Variants in NUP214 observed in about 807,000 individuals in gnomAD.
The protein encoded by NUP214 is nucleoporin 214.
In NUP214, 79 loss-of-function variants were observed where a neutral mutation model predicts 196.2. The observed-to-expected ratio is 0.40, with a 90% confidence interval of 0.34 to 0.49. The LOEUF is 0.49. Ranked by LOEUF, NUP214 falls within the 20% of genes least tolerant of loss-of-function variation. The probability of loss-of-function intolerance (pLI) is 0.58; values close to 1 mark genes in which losing one functional copy is unlikely to be tolerated. For synonymous variants in NUP214, 1,020 were observed against 990.5 expected, an observed-to-expected ratio of 1.03 and a Z score of -0.56; for missense variants, 2,468 against 2,539.0, an observed-to-expected ratio of 0.97 and a Z score of 0.60.
At chr9:131,154,916 C>G (rs1036061181) in intron 17 of NUP214, among the ~76,000 whole-genome samples, 6 of 152,196 alleles carry the variant, frequency 3.9e-5, no homozygotes, top group African/African-American at 1.4e-4. Flanking sequence ...TGGGCTCGTT[C>G]CATATTTTTG....
intron 5 of NUP214, 34 bp downstream of exon 5, chr9:131,130,870 T>A (rs751392259): frequency 4.4e-6 from 7 of 1,582,310 alleles, no homozygotes; most frequent in East Asian, 2.2e-5. Flanking sequence ...GAATTTTTCT[T>A]AAGTTGCCCA....
At chr9:131,192,463 G>T (rs1369066092) in intron 27 of NUP214, 171 bp downstream of exon 27, 5 of 445,632 alleles carry the variant, frequency 1.1e-5, no homozygotes, top group Non-Finnish European at 2.0e-5. Flanking sequence ...CATGTAAATC[G>T]ATTTTCCCTT....
In NUP214 at chr9:131,232,305, A is replaced by G; in HGVS notation, c.6236A>G (p.Asn2079Ser). 1 of 1,613,978 alleles carries G rather than the reference A, an allele frequency of 6.2e-7. No homozygotes were observed. Among genetic ancestry groups the G allele is most frequent in the Non-Finnish European group, 8.5e-7 (1 of 1,179,892 alleles). ...GTGGFSFGSN[N>S]SSVQGFGGWR... ...TCAGGGTTCAGCTTTGGGTCAAATAACTCGTAAGTATCCCCCTTTTTGAGT... is the reference window on the plus strand; with the variant it reads ...TCAGGGTTCAGCTTTGGGTCAAATAGCTCGTAAGTATCCCCCTTTTTGAGT... The change falls in exon 35 of 36, where the codon AAC (asparagine) becomes AGC (serine). Residue 2079 changes from asparagine to serine, a missense_variant. Physicochemically the swap from Asn to Ser is conservative, Grantham distance 46. Coordinates refer to ENST00000359428, the MANE Select transcript of NUP214 (RefSeq NM_005085.4). The surrounding 1 kb of genome is among the most constrained non-coding windows in gnomAD (Gnocchi z 5.1).
chr9:131,216,089 G>A (rs1045655257), intron 31 of NUP214, among the ~76,000 whole-genome samples: 1 of 151,364 alleles, frequency 6.6e-6, no homozygotes, highest in Non-Finnish European at 1.5e-5. Context: ...TTTTAGTAGA[G>A]ACAGGGTTTC....
At chr9:131,131,003 T>C (rs144431640) in intron 5 of NUP214, among the ~76,000 whole-genome samples, 167 bp downstream of exon 5, 132 of 152,326 alleles carry the variant, frequency 8.7e-4, no homozygotes, top group African/African-American at 3.0e-3. Context: ...ATAGTCCTTC[T>C]TCCAGAGGCA....
At chr9:131,181,606 C>T (rs533073904) in intron 24 of NUP214, among the ~76,000 whole-genome samples, 75 of 152,280 alleles carry the variant, frequency 4.9e-4, no homozygotes, top group African/African-American at 1.8e-3. Context: ...CATCTTTTCA[C>T]GTGCTTATTG....
chr9:131,175,082 G>A (rs1833076923), intron 22 of NUP214, among the ~76,000 whole-genome samples: 1 of 152,314 alleles, frequency 6.6e-6, no homozygotes, highest in Middle Eastern at 3.4e-3. Context: ...GTACTGACAG[G>A]TGTTGTGCCC....
chr9:131,225,354 G>A (rs1834693195), intron 32 of NUP214, among the ~76,000 whole-genome samples: 1 of 152,218 alleles, frequency 6.6e-6, no homozygotes, highest in Non-Finnish European at 1.5e-5. Flanking sequence ...GGGAGGCAGA[G>A]ATTGCAGTGA....
At chr9:131,224,364 T>C (rs1258877999) in intron 32 of NUP214, among the ~76,000 whole-genome samples, 2 of 152,166 alleles carry the variant, frequency 1.3e-5, no homozygotes, top group Non-Finnish European at 2.9e-5. Flanking sequence ...CCTGTCCTTG[T>C]TGATGGAAAG....
chr9:131,179,112 T>C (rs918063754), intron 24 of NUP214, among the ~76,000 whole-genome samples: 6 of 152,140 alleles, frequency 3.9e-5, no homozygotes, highest in African/African-American at 1.4e-4. Context: ...TGCTCCCATA[T>C]CTGCCTCCCA....
At position 131,198,715 on chromosome 9, in the gene NUP214, A is replaced by T; in HGVS notation, c.5221A>T (p.Ser1741Cys). 6.2e-7 allele frequency: 1 copy of T among 1,614,182 alleles called. No homozygotes were observed. The highest frequency in any genetic ancestry group is 8.5e-7 in the Non-Finnish European group (1 of 1,180,032). Residue 1741 changes from serine (S) to cysteine (C), a missense_variant, in exon 29 of 36, where the codon AGT (serine) becomes TGT (cysteine). Physicochemically the swap from Ser to Cys is moderately radical, Grantham distance 112. Around this residue, in one of 5 missense-constraint regions of NUP214, gnomAD observed 1,801 missense variants for 1,779.4 expected, o/e 1.01. Coordinates refer to ENST00000359428, the MANE Select transcript of NUP214 (RefSeq NM_005085.4). ...TGGGCAGTCGGCGAGCAGTGCTGCAAGTGTCTTTTCCTTCAGTCAGCCTGG... is the reference window on the plus strand; with the variant it reads ...TGGGCAGTCGGCGAGCAGTGCTGCATGTGTCTTTTCCTTCAGTCAGCCTGG... ...VFGQSASSAA[S>C]VFSFSQPGFS...
rs780284151 is a variant in NUP214, at chr9:131,197,910, A to G, written c.4416A>G (p.Ser1472=). 5 of 1,614,042 alleles carry G rather than the reference A, an allele frequency of 3.1e-6. No individual in the cohort carries two copies. In the Admixed American group the frequency reaches 8.3e-5, roughly 27 times the overall value. The change falls in exon 29 of 36, where the codon TCA becomes TCG. Residue 1472 remains serine (S), a synonymous_variant. Coordinates refer to ENST00000359428, the MANE Select transcript of NUP214 (RefSeq NM_005085.4). ...TPLPTSFPTL[S]FGSLLSSATT... The stretch of plus-strand genomic sequence containing the variant: ...TTCCAACATCATTCCCCACATTGTC[A>G]TTTGGTAGCCTCCTGAGTTCAGCAA...
At chr9:131,157,762 C>T (rs1832501314) in intron 17 of NUP214, among the ~76,000 whole-genome samples, 1 of 152,070 alleles carries the variant, frequency 6.6e-6, no homozygotes, top group Non-Finnish European at 1.5e-5. Flanking sequence ...TCTCCTGCCT[C>T]AGCCTCTGGA....
chr9:131,174,018 A>T, intron 21 of NUP214, 37 bp from the exon 22 acceptor site: 1 of 1,597,284 alleles, frequency 6.3e-7, no homozygotes. Context: ...GCTTGCTTTG[A>T]GTTGTCTAAA....
chr9:131,156,777 G>A lies in NUP214; in HGVS notation c.2437-2606G>A, dbSNP rs184053003. Among the ~76,000 whole-genome samples, 6 of 152,194 alleles carry A rather than the reference G, an allele frequency of 3.9e-5. No individual in the cohort carries two copies. In the East Asian group the frequency reaches 9.6e-4, roughly 24 times the overall value. ...TACATGATCATAACATCGGCAAACAGCGACAGTTTGACTTTCTCTTTATCA... is the reference window on the plus strand; with the variant it reads ...TACATGATCATAACATCGGCAAACAACGACAGTTTGACTTTCTCTTTATCA... On this transcript the variant is annotated intron_variant, in intron 17 of 35. Transcript: ENST00000359428.
Position 131,233,700 on chromosome 9 carries a change from G to A in NUP214, c.*213G>A, listed in dbSNP as rs1270921862. ...TCCCACTATTAAACAGTCTGTTTCC[G>A]TACAGAACGTATGTGGGTTTTTTCA... On this transcript the variant is annotated 3_prime_UTR_variant, in exon 36 of 36. Coordinates refer to ENST00000359428, the MANE Select transcript of NUP214 (RefSeq NM_005085.4). The A allele has an allele frequency of 4.6e-5, 28 of 612,068 alleles. No individual in the cohort carries two copies. The highest frequency in any genetic ancestry group is 6.6e-5 in the South Asian group (4 of 60,426). 37.9% of individuals were successfully genotyped at this position (612,068 alleles called of 1,614,324 possible). A position where few individuals can be genotyped will look rare whatever the true frequency, so the allele number is the denominator to read the frequency against.
At chr9:131,221,741 C>T (rs909840830) in intron 31 of NUP214, among the ~76,000 whole-genome samples, 1 of 152,202 alleles carries the variant, frequency 6.6e-6, no homozygotes, top group Non-Finnish European at 1.5e-5. Context: ...GCATCCACTC[C>T]ACTTCAGGAT....
At chr9:131,188,896 C>CT (rs1011397139) in intron 25 of NUP214, among the ~76,000 whole-genome samples, 157 bp from the exon 26 acceptor site, 3 of 149,878 alleles carry the variant, frequency 2.0e-5, no homozygotes, top group African/African-American at 4.8e-5. Context: ...AAATTGAGAC[C>CT]TTTTTTTTGT....
rs781685659 is a variant in NUP214 at position 131,198,393 on chromosome 9, A to G, written c.4899A>G (p.Ala1633=). The change falls in exon 29 of 36, where the codon GCA becomes GCG. Residue 1633 remains alanine (A), a synonymous_variant. Transcript: ENST00000359428. The stretch of plus-strand genomic sequence containing the variant: ...CTCCCGGCCCATCTGCAGAGGCAGC[A>G]GCATTTGGTACCGTCACTTCTGGCT... ...IVAPGPSAEA[A]AFGTVTSGSS... The G allele has an allele frequency of 6.2e-7, 1 of 1,614,246 alleles. No individual in the cohort carries two copies. Among genetic ancestry groups the G allele is most frequent in the South Asian group, 1.1e-5 (1 of 91,086 alleles).
Sources: gnomAD v4.1 joint callset for allele counts (sites outside exome capture counted in the v4.1 genomes callset) on GRCh38, gnomAD v4.1.1 for gene constraint, gnomAD v4.1.1 regional missense constraint, Gnocchi (gnomAD v3.1) non-coding constraint, MANE v1.5 for transcripts, NCBI Gene and HGNC (gene_info 2026-07-23, HGNC 2026-07-21) for gene names.